The following LDLRAD3 variants were observed in gnomAD, a reference collection of about 807,000 sequenced individuals.
The protein encoded by LDLRAD3 is low density lipoprotein receptor class A domain containing 3.
Under a neutral mutation model 29.4 loss-of-function variants are expected in LDLRAD3, and 20 were observed. The ratio of observed to expected loss-of-function variants is 0.68; its 90% CI spans 0.48 to 0.99. LDLRAD3 has a LOEUF of 0.99. LDLRAD3 is among the 50% of genes least tolerant of loss of function. The pLI is 0.00. For synonymous variants in LDLRAD3, 157 were observed against 192.7 expected, an observed-to-expected ratio of 0.81 and a Z score of 1.53; for missense variants, 420 against 454.3, an observed-to-expected ratio of 0.92 and a Z score of 0.69.
At chr11:35,964,714 G>T (rs1851317278) in intron 1 of LDLRAD3, among the ~76,000 whole-genome samples, 1 of 152,150 alleles carries the variant, frequency 6.6e-6, no homozygotes, top group Non-Finnish European at 1.5e-5. Flanking sequence ...GAGCCTGGGT[G>T]TGGTGGCTCA....
intron 4 of LDLRAD3, among the ~76,000 whole-genome samples, chr11:36,144,794 G>A (rs1490254970): frequency 2.4e-5 from 3 of 125,088 alleles, no homozygotes; most frequent in African/African-American, 6.9e-5. Flanking sequence ...CGCCCCGTCC[G>A]GGAGGGAGGT....
chr11:36,159,768 A>AG (rs1394242019), intron 4 of LDLRAD3, among the ~76,000 whole-genome samples: 6 of 150,348 alleles, frequency 4.0e-5, no homozygotes, highest in African/African-American at 1.5e-4. Context: ...CGAGGCCCTC[A>AG]AAAAAAAAGG....
At chr11:36,103,618 T>C (rs1000208603) in intron 4 of LDLRAD3, among the ~76,000 whole-genome samples, 1 of 152,092 alleles carries the variant, frequency 6.6e-6, no homozygotes, top group African/African-American at 2.4e-5. Context: ...GTGAAAAGAC[T>C]CCCAAGTCTA....
intron 1 of LDLRAD3, among the ~76,000 whole-genome samples, chr11:36,026,558 T>C (rs186843889): frequency 6.6e-6 from 1 of 152,144 alleles, no homozygotes; most frequent in Non-Finnish European, 1.5e-5. Context: ...AGTCACAGGA[T>C]GAGATAGGAG....
chr11:36,002,642 C>T (rs943282913), intron 1 of LDLRAD3, among the ~76,000 whole-genome samples: 5 of 152,192 alleles, frequency 3.3e-5, no homozygotes, highest in Non-Finnish European at 7.3e-5. Flanking sequence ...TCCACTGGAA[C>T]CTCACTTGGC....
chr11:36,016,588 GGCATATTTACTAT>G (rs1316568915), intron 1 of LDLRAD3, among the ~76,000 whole-genome samples: 1 of 152,104 alleles, frequency 6.6e-6, no homozygotes, highest in Non-Finnish European at 1.5e-5. Flanking sequence ...AAGTTCTCCA[GGCATATTTACTAT>G]GGTGACACTT....
intron 1 of LDLRAD3, among the ~76,000 whole-genome samples, chr11:36,015,915 C>T (rs1239456036): frequency 6.6e-6 from 1 of 152,174 alleles, no homozygotes; most frequent in African/African-American, 2.4e-5. Flanking sequence ...CTTGAATGAG[C>T]TCGTCTGTTT....
At chr11:36,090,536 A>G (rs1853264794) in intron 3 of LDLRAD3, among the ~76,000 whole-genome samples, 1 of 152,138 alleles carries the variant, frequency 6.6e-6, no homozygotes, top group African/African-American at 2.4e-5. Context: ...TTCCCCGGAA[A>G]AGGCAGGGTT....
chr11:36,136,595 C>G (rs1430546134), intron 4 of LDLRAD3, among the ~76,000 whole-genome samples: 1 of 152,146 alleles, frequency 6.6e-6, no homozygotes, highest in Admixed American at 6.5e-5. Flanking sequence ...CCTCCTTCAC[C>G]TTCTGCCATG....
intron 4 of LDLRAD3, among the ~76,000 whole-genome samples, chr11:36,160,389 C>T (rs975744509): frequency 1.3e-5 from 2 of 152,102 alleles, no homozygotes; most frequent in Non-Finnish European, 1.5e-5. Context: ...GGCAGCTTAG[C>T]GACCCCTGTT....
intron 3 of LDLRAD3, among the ~76,000 whole-genome samples, chr11:36,088,025 A>T (rs560963365): frequency 3.1e-4 from 46 of 148,584 alleles, no homozygotes; most frequent in African/African-American, 8.6e-4. Flanking sequence ...AGCCAAATTT[A>T]AAAAAAAAAG....
intron 4 of LDLRAD3, among the ~76,000 whole-genome samples, chr11:36,167,773 C>T (rs1007293166): frequency 5.9e-5 from 9 of 152,196 alleles, no homozygotes; most frequent in African/African-American, 2.2e-4. Flanking sequence ...GTTCATGGCA[C>T]TTTGTTACAG....
At position 36,231,799 on chromosome 11, in the gene LDLRAD3, A is replaced by G. The variant is rs3816344; in HGVS notation, c.*2402A>G. The G allele has an allele frequency of 1.3e-5, 2 of 152,188 alleles. No individual in the cohort carries two copies. The highest frequency in any genetic ancestry group is 4.8e-5 in the African/African-American group (2 of 41,436). 9.4% of individuals were successfully genotyped at this position (152,188 alleles called of 1,614,324 possible). The stretch of plus-strand genomic sequence containing the variant: ...CAAGATGGCACATTAGTGGCCAGCA[A>G]TATTTTTTAACTCATTCCAACCAGG... On this transcript the variant is annotated 3_prime_UTR_variant, in exon 6 of 6. Transcript: ENST00000315571.
At chr11:36,179,435 C>T (rs1854724844) in intron 4 of LDLRAD3, among the ~76,000 whole-genome samples, 1 of 152,086 alleles carries the variant, frequency 6.6e-6, no homozygotes, top group Non-Finnish European at 1.5e-5. Context: ...GATTGTGCCA[C>T]TGCACTCCAG....
chr11:35,966,481 AG>A (rs1204899873), intron 1 of LDLRAD3, among the ~76,000 whole-genome samples: 1 of 152,228 alleles, frequency 6.6e-6, no homozygotes, highest in African/African-American at 2.4e-5. Flanking sequence ...GTACATAAAA[AG>A]GATTTGGATA....
chr11:36,063,978 A>G (rs191819155), intron 2 of LDLRAD3, among the ~76,000 whole-genome samples: 3 of 152,346 alleles, frequency 2.0e-5, no homozygotes, highest in East Asian at 1.9e-4. Flanking sequence ...TAAGGGTTCC[A>G]TAGACTCTGT....
chr11:36,222,067 A>G (rs1024830782), intron 4 of LDLRAD3, among the ~76,000 whole-genome samples: 6 of 151,974 alleles, frequency 3.9e-5, no homozygotes, highest in Non-Finnish European at 8.8e-5. Flanking sequence ...ATGAATGCTC[A>G]TTTTGTTTGT....
At chr11:36,155,380 C>T (rs1590315599) in intron 4 of LDLRAD3, among the ~76,000 whole-genome samples, 1 of 152,114 alleles carries the variant, frequency 6.6e-6, no homozygotes, top group East Asian at 1.9e-4. Flanking sequence ...TATTTTCTTC[C>T]TTCTTGTTTA....
At chr11:36,080,208 A>G (rs1192288571) in intron 2 of LDLRAD3, among the ~76,000 whole-genome samples, 1 of 152,196 alleles carries the variant, frequency 6.6e-6, no homozygotes, top group African/African-American at 2.4e-5. Flanking sequence ...GAGGGATGCT[A>G]CATAGGGCCT....
Sources: gnomAD v4.1 joint callset for allele counts (sites outside exome capture counted in the v4.1 genomes callset) on GRCh38, gnomAD v4.1.1 for gene constraint, MANE v1.5 for transcripts, NCBI Gene and HGNC (gene_info 2026-07-23, HGNC 2026-07-21) for gene names.